The following DLC1 variants were observed in gnomAD, a reference collection of about 807,000 sequenced individuals.
DLC1 encodes DLC1 Rho GTPase activating protein, also known as rho GTPase-activating protein 7.
Under a neutral mutation model 140.3 loss-of-function variants are expected in DLC1, and 54 were observed. The observed-to-expected ratio is 0.38, with a 90% confidence interval of 0.31 to 0.48. The LOEUF is 0.48. DLC1 is among the 20% of genes least tolerant of loss of function. DLC1 has a pLI of 0.96. For missense variants in DLC1, 2,536 were observed against 1,907.0 expected (o/e 1.33, Z -6.14); for synonymous variants, 986 against 728.1 (o/e 1.35, Z -5.70).
intron 6 of DLC1, among the ~76,000 whole-genome samples, chr8:13,113,647 T>G (rs1313310587): frequency 6.6e-6 from 1 of 152,266 alleles, no homozygotes; most frequent in Non-Finnish European, 1.5e-5. Flanking sequence ...CCAATGCAGT[T>G]GTCTTTCCTT....
intron 2 of DLC1, among the ~76,000 whole-genome samples, chr8:13,452,457 C>G (rs1459797287): frequency 6.6e-6 from 1 of 152,046 alleles, no homozygotes; most frequent in Non-Finnish European, 1.5e-5. Flanking sequence ...TAGCCTCATG[C>G]CCAAATCTAT....
chr8:13,471,393 T>G (rs1054437679), intron 2 of DLC1, among the ~76,000 whole-genome samples: 6 of 151,788 alleles, frequency 4.0e-5, no homozygotes, highest in African/African-American at 1.5e-4. Context: ...CCACAATGTA[T>G]TCATAGAGCA....
intron 4 of DLC1, among the ~76,000 whole-genome samples, chr8:13,354,283 T>G (rs1341721871): frequency 2.0e-5 from 3 of 152,196 alleles, no homozygotes; most frequent in African/African-American, 7.2e-5. Flanking sequence ...TTTGTACTTC[T>G]GTCTTGGCCT....
Position 13,593,342 on chromosome 8 carries a change from T to A in DLC1, c.-126+11195A>T, listed in dbSNP as rs1003433214. 1.2e-4 allele frequency among the ~76,000 whole-genome samples: 18 copies of A among 152,266 alleles called. No homozygotes were observed. In the East Asian group the frequency reaches 3.5e-3, roughly 29 times the overall value. On this transcript the variant is annotated intron_variant, in intron 1 of 1. Transcript: ENST00000631382. ...CCATTGGTTTTGTCCAGCAAATATT[T>A]CCAGTTCTTCTGGGCACAAAGTAGG...
At chr8:13,403,444 T>G (rs1837385505) in intron 2 of DLC1, among the ~76,000 whole-genome samples, 1 of 152,228 alleles carries the variant, frequency 6.6e-6, no homozygotes, top group South Asian at 2.1e-4. Context: ...TAAATCCCAG[T>G]AATCACTCTT....
chr8:13,582,154 C>G (rs959921561), intron 1 of DLC1, among the ~76,000 whole-genome samples: 1 of 152,078 alleles, frequency 6.6e-6, no homozygotes, highest in South Asian at 2.1e-4. Flanking sequence ...CTTCTAAGCT[C>G]TTTTTCCAAC....
At chr8:13,237,272 G>A (rs1190112080) in intron 5 of DLC1, among the ~76,000 whole-genome samples, 1 of 127,112 alleles carries the variant, frequency 7.9e-6, no homozygotes, top group Admixed American at 8.1e-5. Flanking sequence ...TGAGTATATA[G>A]GTGTATATAT....
At chr8:13,237,227 A>G (rs868365769) in intron 5 of DLC1, among the ~76,000 whole-genome samples, 3 of 101,224 alleles carry the variant, frequency 3.0e-5, no homozygotes, top group African/African-American at 3.4e-5. Context: ...GTGTGTGTAT[A>G]CATATATATA....
In DLC1 at chr8:13,102,816, G is replaced by A. The variant is rs1819208887; in HGVS notation, c.1540C>T (p.Leu514=). ...CGTTTCCGATGAGGACTAATTTCTA[G>A]CTTCATCACCGCACATTTGTTTAAA... ...NTLNKCAVMK[L]EISPHRKRSD... is the part of the protein sequence containing the mutation. Residue 514 remains leucine (L), a synonymous_variant, in exon 8 of 18, where the codon CTA becomes TTA. Transcript: ENST00000276297. The A allele has an allele frequency of 6.2e-7, 1 of 1,613,958 alleles. No homozygotes were observed.
chr8:13,487,459 C>G (rs143375422), intron 2 of DLC1, among the ~76,000 whole-genome samples: 12 of 152,224 alleles, frequency 7.9e-5, no homozygotes, highest in African/African-American at 2.9e-4. Flanking sequence ...TGAACCTCAG[C>G]ACTAATCTTT....
intron 5 of DLC1, among the ~76,000 whole-genome samples, chr8:13,152,203 T>A (rs1194395400): frequency 6.6e-6 from 1 of 152,202 alleles, no homozygotes; most frequent in East Asian, 1.9e-4. Context: ...GTGGCAGCAG[T>A]GCCAGGTTTT....
At chr8:13,444,527 C>G (rs1231912032) in intron 2 of DLC1, among the ~76,000 whole-genome samples, 4 of 152,062 alleles carry the variant, frequency 2.6e-5, no homozygotes, top group Non-Finnish European at 4.4e-5. Context: ...ATCGAAGTGG[C>G]AAGTTTAGGT....
intron 1 of DLC1, among the ~76,000 whole-genome samples, chr8:13,508,938 AG>A (rs1802233510): frequency 6.6e-6 from 1 of 152,194 alleles, no homozygotes; most frequent in Non-Finnish European, 1.5e-5. Flanking sequence ...CTTACAATAA[AG>A]AGAAGTATTG....
At chr8:13,413,408 TTC>T (rs367547500) in intron 2 of DLC1, among the ~76,000 whole-genome samples, 9 of 150,802 alleles carry the variant, frequency 6.0e-5, no homozygotes, top group Admixed American at 2.0e-4. Flanking sequence ...CTTAATATAT[TTC>T]TCTCTCTCTC....
intron 1 of DLC1, among the ~76,000 whole-genome samples, chr8:13,594,205 C>A (rs960158718): frequency 6.6e-6 from 1 of 151,946 alleles, no homozygotes; most frequent in African/African-American, 2.4e-5. Context: ...AGTGATAAAA[C>A]CTGAATAAGA....
chr8:13,531,400 A>G (rs1803092398), intron 1 of DLC1, among the ~76,000 whole-genome samples: 2 of 152,162 alleles, frequency 1.3e-5, no homozygotes, highest in Admixed American at 6.5e-5. Context: ...AGCCTGGCCA[A>G]CATGGTGAAA....
At position 13,435,951 on chromosome 8, in the gene DLC1, C is replaced by T. The variant is rs140253295; in HGVS notation, c.1024-34332G>A. ...CAGCTGCATCAATATCAAGGCAAGACCCTCCACCAGCAAAAAGATTGAGCT... is the reference window on the plus strand; with the variant it reads ...CAGCTGCATCAATATCAAGGCAAGATCCTCCACCAGCAAAAAGATTGAGCT... On this transcript the variant is annotated intron_variant, in intron 2 of 17. Transcript: ENST00000276297. Among the ~76,000 whole-genome samples the T allele has an allele frequency of 2.6e-4, 40 of 152,282 alleles. 1 individual carries two copies. The highest frequency in any genetic ancestry group is 9.6e-4 in the African/African-American group (40 of 41,554).
At chr8:13,295,289 T>A (rs1831902896) in intron 5 of DLC1, among the ~76,000 whole-genome samples, 1 of 152,218 alleles carries the variant, frequency 6.6e-6, no homozygotes, top group Non-Finnish European at 1.5e-5. Flanking sequence ...TGGGAAATTT[T>A]AAAAACAAAT....
At chr8:13,101,573 G>C (rs921606790) in intron 8 of DLC1, among the ~76,000 whole-genome samples, 1 of 152,036 alleles carries the variant, frequency 6.6e-6, no homozygotes, top group Admixed American at 6.5e-5. Context: ...GGAGTAAAGG[G>C]GCCCTGGATC....
Sources: gnomAD v4.1 joint callset for allele counts (sites outside exome capture counted in the v4.1 genomes callset) on GRCh38, gnomAD v4.1.1 for gene constraint, MANE v1.5 for transcripts, NCBI Gene and HGNC (gene_info 2026-07-23, HGNC 2026-07-21) for gene names.